Variants in IL7R observed in about 807,000 individuals in gnomAD.
The protein encoded by IL7R is interleukin-7 receptor subunit alpha.
A neutral mutation model predicts 47.0 loss-of-function variants in IL7R; 38 were observed. The ratio of observed to expected loss-of-function variants is 0.81; its 90% CI spans 0.62 to 1.06. The LOEUF (loss-of-function observed/expected upper bound fraction) is 1.06, where lower values mean the gene tolerates loss of function less well. IL7R is among the 50% of genes least tolerant of loss of function. The pLI is 0.00. For missense variants in IL7R, 633 were observed against 534.8 expected, an observed-to-expected ratio of 1.18 and a Z score of -1.81; for synonymous variants, 221 against 199.8, an observed-to-expected ratio of 1.11 and a Z score of -0.89.
At position 35,860,217 on chromosome 5, in the gene IL7R, AT is replaced by A. The variant is rs534093263; in HGVS notation, c.83-627del. On this transcript the variant is annotated intron_variant, in intron 1 of 7. Coordinates refer to ENST00000303115, the MANE Select transcript of IL7R (RefSeq NM_002185.5). Reference sequence around the variant, plus strand: ...CCAAATCGGAGTCCTGCCAGATCTAATTTTTTTTCCCTAATCACGTTTGTCT... The same window carrying A: ...CCAAATCGGAGTCCTGCCAGATCTAATTTTTTTCCCTAATCACGTTTGTCT... Among the ~76,000 whole-genome samples the A allele has an allele frequency of 2.6e-4, 40 of 152,110 alleles. 2 individuals carry two copies. In the South Asian group the frequency reaches 7.9e-3, roughly 30 times the overall value.
intron 5 of IL7R, among the ~76,000 whole-genome samples, chr5:35,874,225 C>T (rs1433041715): frequency 2.6e-5 from 4 of 152,140 alleles, no homozygotes; most frequent in Admixed American, 6.5e-5. Flanking sequence ...TGCTAGATCA[C>T]GTTTACATTT....
In IL7R at chr5:35,872,893, A is replaced by G. The variant is rs142568108; in HGVS notation, c.538-587A>G. On this transcript the variant is annotated intron_variant, in intron 4 of 7. Transcript: ENST00000303115. The stretch of plus-strand genomic sequence containing the variant: ...ATCACAATAGAAAAATGAGCAAAAA[A>G]ATTGGGAAAAATCTCATAAAGTATG... Among the ~76,000 whole-genome samples, 6 of 152,328 alleles carry G rather than the reference A, an allele frequency of 3.9e-5. No homozygotes were observed. The East Asian group carries it at 9.6e-4, about 24-fold the overall frequency.
At chr5:35,874,408 T>C (rs760730798) in intron 5 of IL7R, 41 bp from the exon 6 acceptor site, 3 of 1,341,258 alleles carry the variant, frequency 2.2e-6, no homozygotes, top group African/African-American at 1.4e-5. Flanking sequence ...CCCCACTGCA[T>C]GGCTACTGAA....
chr5:35,859,055 G>T (rs1004644355), intron 1 of IL7R, among the ~76,000 whole-genome samples: 2 of 152,128 alleles, frequency 1.3e-5, no homozygotes, highest in African/African-American at 4.8e-5. Context: ...ATTTTTCTTG[G>T]TTACAAAGCA....
At chr5:35,866,251 G>T (rs985781320) in intron 2 of IL7R, among the ~76,000 whole-genome samples, 1 of 152,002 alleles carries the variant, frequency 6.6e-6, no homozygotes, top group Admixed American at 6.6e-5. Flanking sequence ...AACCTGCTTT[G>T]GTTTCCTGAG....
intron 3 of IL7R, among the ~76,000 whole-genome samples, chr5:35,869,569 C>T (rs1204167928): frequency 1.3e-5 from 2 of 152,154 alleles, no homozygotes; most frequent in Admixed American, 6.5e-5. Flanking sequence ...GTTTCCTTAT[C>T]AATATGCTGG....
At chr5:35,866,994 A>T (rs1020859530) in intron 2 of IL7R, among the ~76,000 whole-genome samples, 1 of 152,184 alleles carries the variant, frequency 6.6e-6, no homozygotes, top group Non-Finnish European at 1.5e-5. Flanking sequence ...TTTTTAATCT[A>T]AACAAAGTAT....
Position 35,874,583 on chromosome 5 carries a change from T to A in IL7R, c.800+41T>A, listed in dbSNP as rs201451828. 20 of 1,370,930 alleles carry A rather than the reference T, an allele frequency of 1.5e-5. No homozygotes were observed. In the East Asian group the frequency reaches 3.9e-4, roughly 27 times the overall value. The allele number at this position is 1,370,930 out of a possible 1,614,324, so 84.9% of individuals were successfully genotyped here. Reference sequence around the variant, plus strand: ...TAATAAAGAGGGTGATTGTGTGGGATCACGGACAGTCAGAGCTTAAGCCCC... The same window carrying A: ...TAATAAAGAGGGTGATTGTGTGGGAACACGGACAGTCAGAGCTTAAGCCCC... On this transcript the variant is annotated intron_variant, in intron 6 of 7. Coordinates refer to ENST00000303115, the MANE Select transcript of IL7R (RefSeq NM_002185.5).
chr5:35,869,281 C>A (rs1760013417), intron 3 of IL7R, among the ~76,000 whole-genome samples: 1 of 152,124 alleles, frequency 6.6e-6, no homozygotes, highest in African/African-American at 2.4e-5. Context: ...CTTCTCTTAG[C>A]AGAGTAGATT....
rs1211303379 is a variant in IL7R, at chr5:35,877,010, T to G, written c.*524T>G. 1.7e-5 allele frequency: 4 copies of G among 241,274 alleles called. No individual in the cohort carries two copies. The highest frequency in any genetic ancestry group is 4.4e-5 in the African/African-American group (2 of 45,366). 14.9% of individuals were successfully genotyped at this position (241,274 alleles called of 1,614,324 possible). Reference sequence around the variant, plus strand: ...TTCAGAACTAAGGAGTTAAGTAACTTGTCCAAGTTGTTCACACAGTGAAGG... The same window carrying G: ...TTCAGAACTAAGGAGTTAAGTAACTGGTCCAAGTTGTTCACACAGTGAAGG... On this transcript the variant is annotated 3_prime_UTR_variant, in exon 8 of 8. Transcript: ENST00000303115.
intron 2 of IL7R, among the ~76,000 whole-genome samples, chr5:35,867,057 AAT>A (rs1759956368): frequency 6.6e-6 from 1 of 152,172 alleles, no homozygotes; most frequent in Non-Finnish European, 1.5e-5. Flanking sequence ...TAATTTTATA[AAT>A]ATGTCTTGAC....
intron 3 of IL7R, among the ~76,000 whole-genome samples, chr5:35,870,655 C>T (rs1183231340): frequency 6.6e-6 from 1 of 152,202 alleles, no homozygotes. Context: ...TTCTCACTCA[C>T]ATCAGAGTCA....
At chr5:35,870,978 AGAG>A in intron 3 of IL7R, 75 bp from the exon 4 acceptor site, 3 of 1,272,168 alleles carry the variant, frequency 2.4e-6, no homozygotes, top group Non-Finnish European at 3.4e-6. Context: ...AGTGACTTGC[AGAG>A]GAGATGAATT....
At chr5:35,871,001 A>G (rs1760059775) in intron 3 of IL7R, 55 bp from the exon 4 acceptor site, 6 of 1,496,520 alleles carry the variant, frequency 4.0e-6, no homozygotes, top group Non-Finnish European at 5.6e-6. Context: ...TTTAAATACT[A>G]TAATTATTTC....
intron 1 of IL7R, 69 bp from the exon 2 acceptor site, chr5:35,860,783 G>C: frequency 2.1e-6 from 3 of 1,448,920 alleles, no homozygotes; most frequent in Non-Finnish European, 2.9e-6. Context: ...ATTTTATTAA[G>C]GTCATGCCAT....
chr5:35,858,881 CAGGTAG>C (rs1213116470), intron 1 of IL7R, among the ~76,000 whole-genome samples: 1 of 152,182 alleles, frequency 6.6e-6, no homozygotes. Context: ...CAGAGGACCA[CAGGTAG>C]AGTATCCAGA....
At chr5:35,860,125 G>T (rs1759763747) in intron 1 of IL7R, among the ~76,000 whole-genome samples, 1 of 151,676 alleles carries the variant, frequency 6.6e-6, no homozygotes, top group Non-Finnish European at 1.5e-5. Context: ...GAATCTATCA[G>T]ATACTGCGTC....
At chr5:35,863,245 T>G (rs1357002170) in intron 2 of IL7R, among the ~76,000 whole-genome samples, 1 of 152,168 alleles carries the variant, frequency 6.6e-6, no homozygotes, top group East Asian at 1.9e-4. Context: ...GTTAATTAAC[T>G]TAACATTTCT....
At position 35,871,130 on chromosome 5, in the gene IL7R, A is replaced by T. The variant is rs1267611693; in HGVS notation, c.454A>T (p.Thr152Ser). The T allele has an allele frequency of 1.2e-6, 2 of 1,610,788 alleles. No individual in the cohort carries two copies. Among genetic ancestry groups the T allele is most frequent in the Non-Finnish European group, 1.7e-6 (2 of 1,177,038 alleles). Residue 152 changes from threonine (T) to serine (S), a missense_variant, in exon 4 of 8, where the codon ACA becomes TCA. Transcript: ENST00000303115. ...CAATGACTTTGTGGTGACATTTAAT[A>T]CATCACACTTGCAAAAGAAGTATGT... ...GANDFVVTFN[T>S]SHLQKKYVKV...
Sources: gnomAD v4.1 joint callset for allele counts (sites outside exome capture counted in the v4.1 genomes callset) on GRCh38, gnomAD v4.1.1 for gene constraint, MANE v1.5 for transcripts, NCBI Gene and HGNC (gene_info 2026-07-23, HGNC 2026-07-21) for gene names.